LUZP4: variants seen among roughly 807,000 people sequenced by gnomAD.
LUZP4 encodes leucine zipper protein 4, also known as HOM-TES-85 tumor antigen.
Under a neutral mutation model 8.5 loss-of-function variants are expected in LUZP4, and 11 were observed. The ratio of observed to expected loss-of-function variants is 1.30; its 90% CI spans 0.82 to 2.14. The LOEUF (loss-of-function observed/expected upper bound fraction) is 2.14. Ranked by LOEUF, LUZP4 falls within the 30% of genes most tolerant of loss-of-function variation. The probability of loss-of-function intolerance (pLI) is 0.00; values close to 1 mark genes in which losing one functional copy is unlikely to be tolerated. For synonymous variants in LUZP4, 104 were observed against 79.4 expected (o/e 1.31, Z -1.65); for missense variants, 276 against 229.7 (o/e 1.20, Z -1.30).
chrX:115,294,733 T>C (rs2073363267), intron 1 of LUZP4, among the ~76,000 whole-genome samples: 1 of 111,806 alleles, frequency 8.9e-6, no homozygotes, highest in Non-Finnish European at 1.9e-5. Flanking sequence ...GAGGCACTTA[T>C]ATTTTAGTAG....
intron 1 of LUZP4, among the ~76,000 whole-genome samples, chrX:115,294,180 T>G (rs1299522294): frequency 9.0e-6 from 1 of 111,625 alleles, no homozygotes; most frequent in Non-Finnish European, 1.9e-5. Flanking sequence ...TTTCTTTGTG[T>G]TGATTTCACT....
chrX:115,303,693 T>C (rs1556602634), intron 3 of LUZP4, among the ~76,000 whole-genome samples: 2 of 112,451 alleles, frequency 1.8e-5, no homozygotes, highest in Non-Finnish European at 3.8e-5. Flanking sequence ...TCATTAATCC[T>C]ATATAAGAAT....
At chrX:115,299,266 C>A (rs1393508185) in intron 1 of LUZP4, among the ~76,000 whole-genome samples, 1 of 111,129 alleles carries the variant, frequency 9.0e-6, no homozygotes, top group Non-Finnish European at 1.9e-5. Context: ...CTCTGGGTTT[C>A]ACTCAAGGCC....
At chrX:115,291,946 G>A (rs1401350040) in intron 1 of LUZP4, among the ~76,000 whole-genome samples, 2 of 110,187 alleles carry the variant, frequency 1.8e-5, no homozygotes, top group Admixed American at 9.6e-5. Flanking sequence ...GTAATGAAAT[G>A]AAGAGGGGCG....
intron 1 of LUZP4, among the ~76,000 whole-genome samples, chrX:115,297,862 G>A (rs1603135224): frequency 9.1e-6 from 1 of 109,640 alleles, no homozygotes; most frequent in Non-Finnish European, 1.9e-5. Flanking sequence ...AGGCTGGAGA[G>A]CAGTGGCGTA....
chrX:115,300,950 C>T (rs978988311), intron 1 of LUZP4, among the ~76,000 whole-genome samples: 2 of 110,657 alleles, frequency 1.8e-5, no homozygotes, highest in Non-Finnish European at 3.8e-5. Context: ...TTGTTAAATT[C>T]GCGTCCTTGC....
At chrX:115,300,465 C>T (rs1477919510) in intron 1 of LUZP4, among the ~76,000 whole-genome samples, 2 of 112,731 alleles carry the variant, frequency 1.8e-5, no homozygotes, top group Non-Finnish European at 3.8e-5. Flanking sequence ...GCATTCAAAA[C>T]CGTCCTGGGC....
At chrX:115,299,139 C>T (rs2073384120) in intron 1 of LUZP4, among the ~76,000 whole-genome samples, 1 of 111,211 alleles carries the variant, frequency 9.0e-6, no homozygotes, top group African/African-American at 3.3e-5. Flanking sequence ...CTTATTTTCT[C>T]CTAAACAAAC....
At chrX:115,304,132 G>A (rs1262972681) in intron 3 of LUZP4, among the ~76,000 whole-genome samples, 1 of 112,195 alleles carries the variant, frequency 8.9e-6, no homozygotes, top group South Asian at 3.7e-4. Context: ...ATATTTAAAG[G>A]ATTACTTTAA....
At chrX:115,300,789 C>T (rs1556601192) in intron 1 of LUZP4, among the ~76,000 whole-genome samples, 1 of 22,660 alleles carries the variant, frequency 4.4e-5, no homozygotes, top group Non-Finnish European at 1.1e-4. Context: ...TCATTGCTGC[C>T]GGGAGTTGGG....
intron 3 of LUZP4, among the ~76,000 whole-genome samples, chrX:115,305,169 G>A (rs1313556421): frequency 1.8e-5 from 2 of 111,696 alleles, no homozygotes; most frequent in African/African-American, 6.5e-5. Context: ...TTAGAAGATG[G>A]AACTCAGTCC....
chrX:115,289,752 C>A lies in LUZP4; in HGVS notation c.-8C>A, dbSNP rs1475601142. On this transcript the variant is annotated 5_prime_UTR_variant, in exon 1 of 4. Coordinates refer to ENST00000371920, the MANE Select transcript of LUZP4 (RefSeq NM_016383.5). Reference sequence around the variant, plus strand: ...CCTCGGAGTGTGTGGCGCCATGATGCAGGGAAGATGGCTTCGTTTCGGAAG... The same window carrying A: ...CCTCGGAGTGTGTGGCGCCATGATGAAGGGAAGATGGCTTCGTTTCGGAAG... 3.4e-6 allele frequency: 4 copies of A among 1,193,115 alleles called. No homozygotes were observed. Among genetic ancestry groups the A allele is most frequent in the Non-Finnish European group, 4.5e-6 (4 of 880,755 alleles).
intron 1 of LUZP4, among the ~76,000 whole-genome samples, chrX:115,301,072 G>A (rs2147404229): frequency 9.0e-6 from 1 of 111,000 alleles, no homozygotes; most frequent in East Asian, 2.8e-4. Flanking sequence ...TAAAGGAGTG[G>A]TTAATCTGTG....
chrX:115,302,331 A>T (rs2073401295), intron 2 of LUZP4, among the ~76,000 whole-genome samples: 1 of 112,301 alleles, frequency 8.9e-6, no homozygotes, highest in South Asian at 3.7e-4. Context: ...TATAAGAATT[A>T]CTTCCCTAAT....
At chrX:115,299,085 G>A (rs1444935381) in intron 1 of LUZP4, among the ~76,000 whole-genome samples, 1 of 111,367 alleles carries the variant, frequency 9.0e-6, no homozygotes, top group Non-Finnish European at 1.9e-5. Flanking sequence ...ACAGGATCTG[G>A]GAGAATTCTC....
chrX:115,290,056 C>T (rs1362499474), intron 1 of LUZP4, among the ~76,000 whole-genome samples: 1 of 110,985 alleles, frequency 9.0e-6, no homozygotes, highest in Non-Finnish European at 1.9e-5. Flanking sequence ...CTCTTTTTCT[C>T]CTCACCTCCA....
At position 115,302,106 on chromosome X, in the gene LUZP4, G is replaced by C. The variant is rs782370657; in HGVS notation, c.206G>C (p.Arg69Thr). ...TCAAGACAGCAATCAAAAGCTCATA[G>C]ACATCGCCATCGGAGAGGTAAAGTA... is the stretch of plus-strand genomic sequence containing the variant. ...SPSRQQSKAH[R>T]HRHRRGYSRC... Residue 69 changes from arginine (R) to threonine (T), a missense_variant, in exon 2 of 4, where the codon AGA becomes ACA. Physicochemically the swap from Arg to Thr is moderately conservative, Grantham distance 71. Transcript: ENST00000371920. The C allele has an allele frequency of 8.4e-7, 1 of 1,190,750 alleles. No individual in the cohort carries two copies. The highest frequency in any genetic ancestry group is 3.0e-5 in the East Asian group (1 of 32,872).
intron 1 of LUZP4, among the ~76,000 whole-genome samples, chrX:115,290,248 C>T (rs782385589): frequency 3.6e-5 from 4 of 111,856 alleles, no homozygotes; most frequent in African/African-American, 1.3e-4. Context: ...CTTCTCAGTC[C>T]AAGCGGATGT....
At chrX:115,301,583 T>C (rs113582194) in intron 1 of LUZP4, among the ~76,000 whole-genome samples, 3 of 112,368 alleles carry the variant, frequency 2.7e-5, no homozygotes, top group African/African-American at 9.7e-5. Context: ...CAGATAGACA[T>C]TTAATGGTCT....
Sources: allele counts gnomAD v4.1 joint callset (sites outside exome capture counted in the v4.1 genomes callset), GRCh38; gene constraint gnomAD v4.1.1; transcripts MANE v1.5; gene names NCBI Gene and HGNC (gene_info 2026-07-23, HGNC 2026-07-21).